Variants in ZNF215 observed in about 807,000 individuals in gnomAD.
The protein encoded by ZNF215 is zinc finger protein 215.
Under a neutral mutation model 27.2 loss-of-function variants are expected in ZNF215, and 24 were observed. The ratio of observed to expected loss-of-function variants is 0.88; its 90% CI spans 0.64 to 1.24. The LOEUF (loss-of-function observed/expected upper bound fraction) is 1.24. Ranked by LOEUF, ZNF215 falls within the 50% of genes most tolerant of loss-of-function variation. The probability of loss-of-function intolerance (pLI) is 0.00; values close to 1 mark genes in which losing one functional copy is unlikely to be tolerated. For synonymous variants in ZNF215, 210 were observed against 204.0 expected (o/e 1.03, Z -0.25); for missense variants, 675 against 605.7 (o/e 1.11, Z -1.20).
intron 6 of ZNF215, among the ~76,000 whole-genome samples, chr11:6,994,164 A>C (rs1250032241): frequency 7.1e-6 from 1 of 140,300 alleles, no homozygotes; most frequent in Non-Finnish European, 1.5e-5. Context: ...TTAACAAATC[A>C]ATATAGTAAA....
intron 6 of ZNF215, among the ~76,000 whole-genome samples, chr11:6,944,231 GCA>G (rs1849738206): frequency 6.6e-6 from 1 of 151,282 alleles, no homozygotes; most frequent in East Asian, 2.0e-4. Flanking sequence ...AGCCAAGATC[GCA>G]CCACTGCACT....
rs1849292721 is a variant in ZNF215, at chr11:6,932,346, T to C, written c.74T>C (p.Leu25Pro). The change falls in exon 3 of 7, where the codon CTG (leucine) becomes CCG (proline). Residue 25 changes from leucine to proline, a missense_variant. By Grantham distance (98) the Leu-to-Pro change is moderately conservative. Coordinates refer to ENST00000278319, the MANE Select transcript of ZNF215 (RefSeq NM_013250.4). ...NLSLREQREV[L>P]RADMSWQQET... ...TCTCTACGTGAACAAAGAGAGGTTC[T>C]GAGAGCAGATATGTCTTGGCAGCAG... is the stretch of plus-strand genomic sequence containing the variant. The C allele has an allele frequency of 3.1e-6, 5 of 1,614,086 alleles. No homozygotes were observed. Among genetic ancestry groups the C allele is most frequent in the Non-Finnish European group, 4.2e-6 (5 of 1,180,046 alleles).
chr11:6,935,020 G>A (rs953265962), intron 3 of ZNF215, among the ~76,000 whole-genome samples: 6 of 152,108 alleles, frequency 3.9e-5, no homozygotes, highest in Non-Finnish European at 7.3e-5. Context: ...CTGCTCATAG[G>A]GCTTGCCTTT....
Position 6,956,326 on chromosome 11 carries a change from G to A in ZNF215, c.1349G>A (p.Ser450Asn). Residue 450 changes from serine (S) to asparagine (N), a missense_variant, in exon 7 of 7, where the codon AGT becomes AAT. By Grantham distance (46) the Ser-to-Asn change is conservative. Coordinates refer to ENST00000278319, the MANE Select transcript of ZNF215 (RefSeq NM_013250.4). ...AAGGCCTTCAGTAAAAGTGAAGACAGTAATAATCCAACACTCCATTTTGGA... is the reference window on the plus strand; with the variant it reads ...AAGGCCTTCAGTAAAAGTGAAGACAATAATAATCCAACACTCCATTTTGGA... ...CGKAFSKSED[S>N]NNPTLHFGNN... The A allele has an allele frequency of 6.2e-7, 1 of 1,614,146 alleles. No individual in the cohort carries two copies. Among genetic ancestry groups the A allele is most frequent in the Non-Finnish European group, 8.5e-7 (1 of 1,180,014 alleles).
chr11:6,967,653 A>T lies in ZNF215; in HGVS notation c.805+11871A>T, dbSNP rs569514482. ...CCTTTTGTTTGTTTTTTTCTTGTGG[A>T]TTTGTTTAAGTTCTTTGAAGATTCT... On this transcript the variant is annotated intron_variant, in intron 5 of 5. Transcript: ENST00000529903. Among the ~76,000 whole-genome samples the T allele has an allele frequency of 2.0e-5, 3 of 151,678 alleles. No individual in the cohort carries two copies. In the South Asian group the frequency reaches 6.2e-4, roughly 32 times the overall value.
chr11:6,983,527 G>T (rs947695617), intron 5 of ZNF215, among the ~76,000 whole-genome samples: 1 of 152,018 alleles, frequency 6.6e-6, no homozygotes, highest in Non-Finnish European at 1.5e-5. Context: ...CTGGCAAACC[G>T]AATCCAGCAG....
chr11:6,935,174 G>A (rs1292314898), intron 3 of ZNF215, among the ~76,000 whole-genome samples: 1 of 152,180 alleles, frequency 6.6e-6, no homozygotes, highest in Non-Finnish European at 1.5e-5. Context: ...ATGCTTTGAG[G>A]GAATAAGGGA....
chr11:6,952,072 A>G (rs1850093951), intron 6 of ZNF215, among the ~76,000 whole-genome samples: 1 of 152,124 alleles, frequency 6.6e-6, no homozygotes, highest in Non-Finnish European at 1.5e-5. Flanking sequence ...CCTGAGTTCT[A>G]GTTTGATTGC....
In ZNF215 at chr11:6,957,157, T is replaced by TA; in HGVS notation, c.*630dup. 1.0e-6 allele frequency: 1 copy of TA among 985,458 alleles called. No homozygotes were observed. 61.0% of individuals were successfully genotyped at this position (985,458 alleles called of 1,614,324 possible). A position where few individuals can be genotyped will look rare whatever the true frequency, so the allele number is the denominator to read the frequency against. Reference sequence around the variant, plus strand: ...ATTGCTGTTAATCTATATGTATTCTTAAAATCTGCATTTGTTTATAGCAGG... The same window carrying TA: ...ATTGCTGTTAATCTATATGTATTCTTAAAAATCTGCATTTGTTTATAGCAGG... On this transcript the variant is annotated 3_prime_UTR_variant, in exon 7 of 7. Coordinates refer to ENST00000278319, the MANE Select transcript of ZNF215 (RefSeq NM_013250.4).
At chr11:6,949,349 G>A (rs1056087830) in intron 6 of ZNF215, among the ~76,000 whole-genome samples, 5 of 152,178 alleles carry the variant, frequency 3.3e-5, no homozygotes, top group African/African-American at 7.2e-5. Flanking sequence ...GGTTGAACTA[G>A]TTTACAGTCC....
downstream of ZNF215, among the ~76,000 whole-genome samples, chr11:6,958,401 C>T (rs529243470): frequency 6.6e-6 from 1 of 152,156 alleles, no homozygotes; most frequent in Admixed American, 6.5e-5. Context: ...ATTTTTTTCT[C>T]CTAAATCTCC....
chr11:6,940,199 C>T (rs1052894749), intron 3 of ZNF215, among the ~76,000 whole-genome samples: 5 of 150,610 alleles, frequency 3.3e-5, no homozygotes, highest in African/African-American at 9.8e-5. Context: ...TGCCATACTG[C>T]ACTCCAGCCT....
At chr11:6,972,500 T>C (rs1463048598) in intron 5 of ZNF215, among the ~76,000 whole-genome samples, 1 of 152,066 alleles carries the variant, frequency 6.6e-6, no homozygotes, top group African/African-American at 2.4e-5. Context: ...ATTGAATAAC[T>C]ACAAATACTG....
At position 6,955,929 on chromosome 11, in the gene ZNF215, A is replaced by G. The variant is rs368083937; in HGVS notation, c.952A>G (p.Ile318Val). 6.2e-6 allele frequency: 10 copies of G among 1,612,554 alleles called. No homozygotes were observed. The highest frequency in any genetic ancestry group is 3.3e-4 in the Middle Eastern group (2 of 6,072). ...CTTTGATATTAATTCAGTTAGCTCA[A>G]TTTGTGCTATACAAGTGGGAATTCC... ...KSFDINSVSS[I>V]CAIQVGIPSR... Residue 318 changes from isoleucine to valine, a missense_variant, in exon 7 of 7, where the codon ATT (isoleucine) becomes GTT (valine). Physicochemically the swap from Ile to Val is conservative, Grantham distance 29 (BLOSUM62 3). Coordinates refer to ENST00000278319, the MANE Select transcript of ZNF215 (RefSeq NM_013250.4).
downstream of ZNF215, chr11:6,988,640 A>G (rs778213939): frequency 1.3e-5 from 2 of 152,170 alleles, no homozygotes; most frequent in Non-Finnish European, 2.9e-5. Context: ...TCCCAGAGAA[A>G]GCAAACAAGA....
chr11:6,935,916 A>G (rs373758173), intron 3 of ZNF215, among the ~76,000 whole-genome samples: 88 of 152,256 alleles, frequency 5.8e-4, no homozygotes, highest in Non-Finnish European at 9.3e-4. Context: ...TAATTCACAG[A>G]TAAGTGGAAA....
downstream of ZNF215, among the ~76,000 whole-genome samples, chr11:6,992,952 A>T (rs1269447943): frequency 2.6e-5 from 4 of 152,210 alleles, no homozygotes; most frequent in Non-Finnish European, 5.9e-5. Context: ...AATGCTTGCA[A>T]GGATAAACTC....
At chr11:6,942,975 C>G (rs1245080740) in intron 4 of ZNF215, 108 bp from the exon 5 acceptor site, 1 of 1,465,788 alleles carries the variant, frequency 6.8e-7, no homozygotes, top group East Asian at 2.3e-5. Context: ...ATTGTCCTAT[C>G]AATTTCTGGT....
intron 6 of ZNF215, among the ~76,000 whole-genome samples, chr11:6,954,659 A>G (rs1284587185): frequency 6.6e-6 from 1 of 152,236 alleles, no homozygotes; most frequent in African/African-American, 2.4e-5. Flanking sequence ...TGACTAGGAA[A>G]GGGAACTCCC....
Sources: gnomAD v4.1 joint callset for allele counts (sites outside exome capture counted in the v4.1 genomes callset) on GRCh38, gnomAD v4.1.1 for gene constraint, MANE v1.5 for transcripts, NCBI Gene and HGNC (gene_info 2026-07-23, HGNC 2026-07-21) for gene names.